Variants in MYO5C observed in about 807,000 individuals in gnomAD.
MYO5C encodes the protein myosin VC.
In MYO5C, 194 loss-of-function variants were observed where a neutral mutation model predicts 235.7. The observed-to-expected ratio is 0.82, with a 90% CI of 0.73 to 0.93. The LOEUF is 0.93. MYO5C is among the 40% of genes least tolerant of loss of function. The probability of loss-of-function intolerance (pLI) is 0.00; values close to 1 mark genes in which losing one functional copy is unlikely to be tolerated. For missense variants in MYO5C, 2,038 were observed against 2,127.2 expected, an observed-to-expected ratio of 0.96 and a Z score of 0.82; for synonymous variants, 707 against 754.8, an observed-to-expected ratio of 0.94 and a Z score of 1.04.
chr15:52,294,288 C>T (rs1380560705), intron 1 of MYO5C, among the ~76,000 whole-genome samples: 2 of 152,270 alleles, frequency 1.3e-5, no homozygotes, highest in African/African-American at 2.4e-5. Context: ...TTTTCTTTCA[C>T]TTCCAGTAAA....
intron 25 of MYO5C, among the ~76,000 whole-genome samples, chr15:52,227,732 T>A (rs150619529): frequency 7.2e-5 from 11 of 152,252 alleles, no homozygotes; most frequent in African/African-American, 2.6e-4. Flanking sequence ...TTCCTGATCA[T>A]GTGGTCTGAC....
Position 52,213,262 on chromosome 15 carries a change from C to T in MYO5C, c.4067G>A (p.Gly1356Glu). The T allele has an allele frequency of 6.2e-7, 1 of 1,613,736 alleles. No homozygotes were observed. The highest frequency in any genetic ancestry group is 1.1e-5 in the South Asian group (1 of 91,052). ...GKANDVHSSSGPKEYLGMLQY... is the reference protein window; with the variant it reads ...GKANDVHSSSEPKEYLGMLQY... ...CAGCATTCCAAGGTACTCCTTGGGT[C>T]CTGAGGACGAGTGCACATCATTGGC... Residue 1356 changes from glycine (G) to glutamate (E), a missense_variant, in exon 34 of 41, where the codon GGA becomes GAA. Gly to Glu is a moderately conservative substitution (Grantham distance 98, BLOSUM62 -2). Coordinates refer to ENST00000261839, the MANE Select transcript of MYO5C (RefSeq NM_018728.4).
At chr15:52,270,662 ATG>A (rs2036902827) in intron 7 of MYO5C, among the ~76,000 whole-genome samples, 1 of 150,880 alleles carries the variant, frequency 6.6e-6, no homozygotes, top group African/African-American at 2.4e-5. Flanking sequence ...ACATTTATAT[ATG>A]TATATATATG....
chr15:52,275,964 AC>A (rs2037041017), intron 4 of MYO5C, among the ~76,000 whole-genome samples: 2 of 151,686 alleles, frequency 1.3e-5, no homozygotes. Context: ...TCCCTACTCA[AC>A]CTTTCCACTC....
intron 6 of MYO5C, among the ~76,000 whole-genome samples, chr15:52,272,354 TA>T (rs1267553693): frequency 6.6e-6 from 1 of 152,154 alleles, no homozygotes; most frequent in Non-Finnish European, 1.5e-5. Flanking sequence ...TCCCCCAAAT[TA>T]AAAAGTCATT....
chr15:52,235,807 A>G, intron 22 of MYO5C, 44 bp from the exon 23 acceptor site: 1 of 1,332,698 alleles, frequency 7.5e-7, no homozygotes. Flanking sequence ...TGAAAACCTC[A>G]CTTCAAGTTG....
At chr15:52,245,889 T>C in intron 17 of MYO5C, 67 bp downstream of exon 17, 1 of 1,417,412 alleles carries the variant, frequency 7.1e-7, no homozygotes, top group African/African-American at 1.4e-5. Context: ...GGCAGCCATG[T>C]CCTTGGTTCT....
At position 52,284,523 on chromosome 15, in the gene MYO5C, C is replaced by T. The variant is rs1015663048; in HGVS notation, c.28-1631G>A. The stretch of plus-strand genomic sequence containing the variant: ...TAACATTCTGTATCTTGATGGGGCT[C>T]GGGTTACATAGGGGCTAAGCACTTT... On this transcript the variant is annotated intron_variant, in intron 1 of 40. Coordinates refer to ENST00000261839, the MANE Select transcript of MYO5C (RefSeq NM_018728.4). 6.6e-5 allele frequency among the ~76,000 whole-genome samples: 10 copies of T among 152,032 alleles called. No individual in the cohort carries two copies. In the East Asian group the frequency reaches 1.9e-3, roughly 29 times the overall value.
At chr15:52,253,249 AC>A in intron 12 of MYO5C, 67 bp downstream of exon 12, 1 of 1,482,908 alleles carries the variant, frequency 6.7e-7, no homozygotes, top group East Asian at 2.3e-5. Flanking sequence ...CTTCAAAAAA[AC>A]TGCTTTGCAA....
rs201403762 is a variant in MYO5C, at chr15:52,251,641, TTTTATTTA to T, written c.1537-134_1537-127del. ...AGTGAACTGCTCTCAATTAGAGGCT[TTTTATTTA>T]TTTATTTATTTATTTATTTATTTAT... On this transcript the variant is annotated intron_variant, in intron 12 of 40. Coordinates refer to ENST00000261839, the MANE Select transcript of MYO5C (RefSeq NM_018728.4). The T allele has an allele frequency of 7.5e-4, 243 of 323,978 alleles. 2 individuals are homozygous for T. The highest frequency in any genetic ancestry group is 3.5e-3 in the African/African-American group (153 of 43,832). 20.1% of individuals were successfully genotyped at this position (323,978 alleles called of 1,614,324 possible).
In MYO5C at chr15:52,241,639, T is replaced by G. The variant is rs749032915; in HGVS notation, c.2556+409A>C. Among the ~76,000 whole-genome samples, 82 of 152,334 alleles carry G rather than the reference T, an allele frequency of 5.4e-4. No individual in the cohort carries two copies. In the Middle Eastern group the frequency reaches 0.01, roughly 19 times the overall value. ...GTCTGTTAGGTGTATATCCTGTCTG[T>G]TAGGTGCACATTATTGGCTTAAAAT... On this transcript the variant is annotated intron_variant, in intron 20 of 40. Coordinates refer to ENST00000261839, the MANE Select transcript of MYO5C (RefSeq NM_018728.4).
At chr15:52,220,443 C>T (rs898155085) in intron 30 of MYO5C, among the ~76,000 whole-genome samples, 1 of 152,252 alleles carries the variant, frequency 6.6e-6, no homozygotes, top group East Asian at 1.9e-4. Flanking sequence ...GCCATCACCT[C>T]CCGGGCTCAA....
At chr15:52,277,188 G>A in intron 4 of MYO5C, 2 of 529,852 alleles carry the variant, frequency 3.8e-6, no homozygotes, top group South Asian at 2.8e-5. Context: ...CAGCCCTGAG[G>A]GACACTACCT....
chr15:52,211,793 A>G lies in MYO5C; in HGVS notation c.4233T>C (p.Asn1411=), dbSNP rs2035446051. 1.2e-6 allele frequency: 2 copies of G among 1,614,124 alleles called. No individual in the cohort carries two copies. The highest frequency in any genetic ancestry group is 1.3e-5 in the African/African-American group (1 of 74,950). Residue 1411 remains asparagine (N), a synonymous_variant, in exon 35 of 41, where the codon AAT becomes AAC. Transcript: ENST00000261839. ...TGAGGGACTTCAGCATGTTGGCATC[A>G]TTCAGAGAGTCTGCGTAGCGCACAC... ...FMCVRYADSL[N]DANMLKSLMN...
At chr15:52,282,752 G>T in intron 2 of MYO5C, 30 bp downstream of exon 2, 2 of 1,459,018 alleles carry the variant, frequency 1.4e-6, no homozygotes, top group Admixed American at 1.7e-5. Context: ...TTTACACATC[G>T]ACGTAGCTGT....
chr15:52,228,084 T>A (rs11631002), intron 25 of MYO5C, among the ~76,000 whole-genome samples: 148,211 of 152,322 alleles, frequency 0.97, 72,239 homozygotes, highest in East Asian at 1. Context: ...CATTTTTCTC[T>A]AGAGCATTTT....
chr15:52,287,049 C>A (rs1009036762), intron 1 of MYO5C, among the ~76,000 whole-genome samples: 1 of 151,252 alleles, frequency 6.6e-6, no homozygotes, highest in Non-Finnish European at 1.5e-5. Flanking sequence ...GGATGAGGAA[C>A]CTATCTATTA....
intron 7 of MYO5C, 26 bp from the exon 8 acceptor site, chr15:52,269,886 A>T: frequency 6.6e-7 from 1 of 1,512,328 alleles, no homozygotes; most frequent in East Asian, 2.3e-5. Flanking sequence ...AAGATTTGTT[A>T]TGTCTGTAAC....
At chr15:52,292,733 C>G (rs1002736639) in intron 1 of MYO5C, among the ~76,000 whole-genome samples, 3 of 152,236 alleles carry the variant, frequency 2.0e-5, no homozygotes, top group African/African-American at 7.2e-5. Context: ...GAGCTGTTAC[C>G]AGGCAATATG....
Sources: gnomAD v4.1 joint callset for allele counts (sites outside exome capture counted in the v4.1 genomes callset) on GRCh38, gnomAD v4.1.1 for gene constraint, MANE v1.5 for transcripts, NCBI Gene and HGNC (gene_info 2026-07-23, HGNC 2026-07-21) for gene names.